Variants in MCTP2 observed in about 807,000 individuals in gnomAD.
MCTP2 encodes the protein multiple C2 and transmembrane domain containing 2.
MCTP2 carries 132 observed loss-of-function variants against 111.6 expected under a neutral mutation model. That is an observed-to-expected ratio of 1.18 (90% confidence interval 1.03 to 1.37). MCTP2 has a LOEUF of 1.37. Among genes scored for constraint, MCTP2 ranks in the 40% most tolerant of loss-of-function variants. The pLI is 0.00. For synonymous variants in MCTP2, 395 were observed against 387.7 expected, an observed-to-expected ratio of 1.02 and a Z score of -0.22; for missense variants, 1,183 against 1,067.9, an observed-to-expected ratio of 1.11 and a Z score of -1.50.
intron 20 of MCTP2, among the ~76,000 whole-genome samples, chr15:94,461,679 C>T (rs1343527085): frequency 6.6e-6 from 1 of 152,078 alleles, no homozygotes; most frequent in Non-Finnish European, 1.5e-5. Flanking sequence ...CAGGGTAAAG[C>T]TTAGAAGCCA....
At chr15:94,360,762 A>T (rs1272799332) in intron 10 of MCTP2, among the ~76,000 whole-genome samples, 1 of 151,144 alleles carries the variant, frequency 6.6e-6, no homozygotes, top group Non-Finnish European at 1.5e-5. Flanking sequence ...TTGGGTGTTC[A>T]TTTATTATTT....
chr15:94,255,932 C>CA (rs1471587984), intron 1 of MCTP2, among the ~76,000 whole-genome samples: 2 of 152,130 alleles, frequency 1.3e-5, no homozygotes, highest in African/African-American at 4.8e-5. Flanking sequence ...TAATGAAGCA[C>CA]AATCTGATTT....
At chr15:94,245,504 A>G (rs1341347774) in intron 1 of MCTP2, among the ~76,000 whole-genome samples, 3 of 140,692 alleles carry the variant, frequency 2.1e-5, no homozygotes, top group Non-Finnish European at 4.6e-5. Context: ...GTATTTATAT[A>G]TGTATACATA....
intron 12 of MCTP2, among the ~76,000 whole-genome samples, chr15:94,371,386 A>G (rs1197811083): frequency 2.6e-5 from 4 of 152,214 alleles, no homozygotes. Context: ...AACATTTCAC[A>G]TGTGCCTTTG....
intron 1 of MCTP2, among the ~76,000 whole-genome samples, chr15:94,283,957 C>T (rs115294742): frequency 0.018 from 2,795 of 152,200 alleles, 84 homozygotes; most frequent in African/African-American, 0.063. Flanking sequence ...GATCCCCTTT[C>T]GTCATTTCAG....
At chr15:94,469,279 C>CGATCTCTAGGAATGCACATG in intron 20 of MCTP2, among the ~76,000 whole-genome samples, 1 of 152,126 alleles carries the variant, frequency 6.6e-6, no homozygotes, top group Admixed American at 6.5e-5. Context: ...GTAGGGCGTT[C>CGATCTCTAGGAATGCACATG]GATCTCTAGG....
In MCTP2 at chr15:94,285,916, C is replaced by T. The variant is rs751614579; in HGVS notation, c.-65-12285C>T. On this transcript the variant is annotated intron_variant, in intron 1 of 22. Coordinates refer to ENST00000357742, the MANE Select transcript of MCTP2 (RefSeq NM_001385001.1). ...GGATGGTGGGGCTGAAAATTTCATC[C>T]GGTTCTTTTAGTTGATCTTAATTTT... is the stretch of plus-strand genomic sequence containing the variant. Among the ~76,000 whole-genome samples, 16 of 152,092 alleles carry T rather than the reference C, an allele frequency of 1.1e-4. No homozygotes were observed. The East Asian group carries it at 1.3e-3, about 13-fold the overall frequency.
intron 1 of MCTP2, chr15:94,273,588 G>A (rs763144648): frequency 1.5e-4 from 31 of 203,392 alleles, no homozygotes; most frequent in Admixed American, 7.7e-4. Flanking sequence ...AGGTCATGTC[G>A]TCCCTGCTCT....
At chr15:94,277,719 G>C (rs1340337618) in intron 1 of MCTP2, among the ~76,000 whole-genome samples, 1 of 152,084 alleles carries the variant, frequency 6.6e-6, no homozygotes, top group African/African-American at 2.4e-5. Flanking sequence ...ATGACGTACA[G>C]AAACTACTCT....
intron 10 of MCTP2, among the ~76,000 whole-genome samples, chr15:94,359,308 C>G (rs1008797162): frequency 1.3e-5 from 2 of 152,196 alleles, no homozygotes; most frequent in African/African-American, 4.8e-5. Flanking sequence ...AATGGAACTT[C>G]AGAAGTTTAC....
intron 8 of MCTP2, among the ~76,000 whole-genome samples, chr15:94,350,028 T>C (rs186064593): frequency 6.6e-6 from 1 of 152,320 alleles, no homozygotes; most frequent in African/African-American, 2.4e-5. Flanking sequence ...GCTCCCATCT[T>C]AGACTTCTTC....
intron 12 of MCTP2, among the ~76,000 whole-genome samples, chr15:94,377,774 A>G (rs1335014930): frequency 6.6e-6 from 1 of 152,124 alleles, no homozygotes; most frequent in East Asian, 1.9e-4. Context: ...ATTCTTATGG[A>G]AGGGATGCCT....
At chr15:94,444,139 G>A (rs1163792205) in intron 19 of MCTP2, among the ~76,000 whole-genome samples, 1 of 152,096 alleles carries the variant, frequency 6.6e-6, no homozygotes, top group East Asian at 1.9e-4. Context: ...CAAATTTCTA[G>A]AACGGCTCAC....
intron 17 of MCTP2, among the ~76,000 whole-genome samples, chr15:94,420,488 G>T (rs1398666356): frequency 6.6e-6 from 1 of 152,140 alleles, no homozygotes; most frequent in Non-Finnish European, 1.5e-5. Flanking sequence ...ATGCCATTAA[G>T]AACATTTGTG....
chr15:94,289,362 A>G (rs1032843595), intron 1 of MCTP2, among the ~76,000 whole-genome samples: 3 of 152,214 alleles, frequency 2.0e-5, no homozygotes, highest in Non-Finnish European at 1.5e-5. Flanking sequence ...ATAGAATTCA[A>G]TATCTAGCTA....
chr15:94,468,491 A>T (rs928114226), intron 20 of MCTP2, among the ~76,000 whole-genome samples: 3 of 152,310 alleles, frequency 2.0e-5, no homozygotes, highest in African/African-American at 4.8e-5. Context: ...CCAAAAAAAA[A>T]GGTTAGAAAT....
intron 1 of MCTP2, among the ~76,000 whole-genome samples, chr15:94,249,363 T>A (rs988909378): frequency 8.5e-5 from 13 of 152,224 alleles, no homozygotes; most frequent in Non-Finnish European, 1.6e-4. Flanking sequence ...CTATAGGATC[T>A]ATGGTTCTGA....
chr15:94,450,987 C>T (rs758587473), intron 19 of MCTP2, among the ~76,000 whole-genome samples: 16 of 152,182 alleles, frequency 1.1e-4, no homozygotes, highest in Non-Finnish European at 2.1e-4. Context: ...TTTATTGCAC[C>T]TATGGTGCTA....
chr15:94,477,774 G>C (rs1013747554), intron 22 of MCTP2, among the ~76,000 whole-genome samples: 30 of 152,138 alleles, frequency 2.0e-4, no homozygotes, highest in African/African-American at 7.0e-4. Context: ...ACTCTGTGAT[G>C]CTATCTTCCT....
Sources: allele counts gnomAD v4.1 joint callset (sites outside exome capture counted in the v4.1 genomes callset), GRCh38; gene constraint gnomAD v4.1.1; transcripts MANE v1.5; gene names NCBI Gene and HGNC (gene_info 2026-07-23, HGNC 2026-07-21).